Variants in DHRSX observed in about 807,000 individuals in gnomAD.
DHRSX encodes polyprenol dehydrogenase.
DHRSX carries 31 observed loss-of-function variants against 34.0 expected under a neutral mutation model. That is an observed-to-expected ratio of 0.91 (90% CI 0.69 to 1.23). DHRSX has a LOEUF of 1.23. Ranked by LOEUF, DHRSX falls within the 50% of genes most tolerant of loss-of-function variation. The pLI, the probability that DHRSX is intolerant of heterozygous loss-of-function variation, is 0.00. For synonymous variants in DHRSX, 201 were observed against 183.8 expected, an observed-to-expected ratio of 1.09 and a Z score of -0.76; for missense variants, 414 against 428.1, an observed-to-expected ratio of 0.97 and a Z score of 0.29.
intron 4 of DHRSX, among the ~76,000 whole-genome samples, chrX:2,282,578 G>A (rs770302199): frequency 4.5e-4 from 42 of 93,816 alleles, no homozygotes; most frequent in African/African-American, 1.2e-3. Context: ...GAAACAGAAA[G>A]GGAGAGAGAG....
chrX:2,358,398 G>C (rs759803530), intron 3 of DHRSX, among the ~76,000 whole-genome samples: 1 of 152,254 alleles, frequency 6.6e-6, no homozygotes, highest in African/African-American at 2.4e-5. Flanking sequence ...CTTTTCAAAA[G>C]AAGATACACA....
chrX:2,304,094 T>C (rs775165772), intron 3 of DHRSX, among the ~76,000 whole-genome samples: 65 of 141,964 alleles, frequency 4.6e-4, no homozygotes, highest in African/African-American at 1.2e-3. Flanking sequence ...GGTGGGTGGA[T>C]TGATGGATGG....
At chrX:2,314,601 T>C (rs1324356849) in intron 3 of DHRSX, among the ~76,000 whole-genome samples, 3 of 151,632 alleles carry the variant, frequency 2.0e-5, no homozygotes, top group Admixed American at 2.0e-4. Flanking sequence ...AGGAAATATA[T>C]TTTGGGGTTA....
chrX:2,496,933 T>G (rs2045301041), intron 1 of DHRSX, among the ~76,000 whole-genome samples: 3 of 136,734 alleles, frequency 2.2e-5, no homozygotes. Context: ...ATTACATACA[T>G]TTTTGTATGT....
rs748026746 is a variant in DHRSX, at chrX:2,471,142, C to G, written c.109+29675G>C. On this transcript the variant is annotated intron_variant, in intron 1 of 6. Coordinates refer to ENST00000334651, the MANE Select transcript of DHRSX (RefSeq NM_145177.3). ...ATGACTCGCATTTCCAGGCAGAAAA[C>G]AAAACAAGTCCCAGTTTCAAGGACA... 3.3e-5 allele frequency among the ~76,000 whole-genome samples: 5 copies of G among 152,094 alleles called. No homozygotes were observed. In the South Asian group the frequency reaches 1.0e-3, roughly 32 times the overall value.
At chrX:2,469,201 G>T (rs1397963232) in intron 1 of DHRSX, among the ~76,000 whole-genome samples, 1 of 151,434 alleles carries the variant, frequency 6.6e-6, no homozygotes, top group African/African-American at 2.4e-5. Flanking sequence ...GGACGGCACT[G>T]AAGACTCGTT....
intron 1 of DHRSX, among the ~76,000 whole-genome samples, chrX:2,433,811 G>A (rs2043958434): frequency 6.6e-6 from 1 of 152,094 alleles, no homozygotes; most frequent in African/African-American, 2.4e-5. Context: ...GTCTCGCTCT[G>A]TCGCCCAGGC....
intron 1 of DHRSX, among the ~76,000 whole-genome samples, chrX:2,481,931 G>A (rs1341722617): frequency 6.6e-6 from 1 of 151,958 alleles, no homozygotes; most frequent in Non-Finnish European, 1.5e-5. Context: ...ACGTTCTGGG[G>A]GACACTGATT....
At chrX:2,224,133 T>C (rs1200007037) in intron 6 of DHRSX, among the ~76,000 whole-genome samples, 2 of 152,262 alleles carry the variant, frequency 1.3e-5, no homozygotes, top group Non-Finnish European at 1.5e-5. Flanking sequence ...TTTGTGTTGT[T>C]GTCTGCCATC....
chrX:2,362,920 C>T (rs1404841718), intron 3 of DHRSX, among the ~76,000 whole-genome samples: 1 of 119,976 alleles, frequency 8.3e-6, no homozygotes, highest in Non-Finnish European at 2.0e-5. Flanking sequence ...GGTATCATGC[C>T]ACCATTTTAT....
chrX:2,412,274 G>A lies in DHRSX; in HGVS notation c.218-3461C>T, dbSNP rs531120317. On this transcript the variant is annotated intron_variant, in intron 2 of 6. Transcript: ENST00000334651. ...GCCATTATGGAAAACAGTGGAGATG[G>A]GGTTTCACTATGTTGGCCAGGCTGG... Among the ~76,000 whole-genome samples, 5 of 152,296 alleles carry A rather than the reference G, an allele frequency of 3.3e-5. 1 individual carries two copies. Among genetic ancestry groups the A allele is most frequent in the African/African-American group, 9.6e-5 (4 of 41,548 alleles).
chrX:2,483,932 CAAT>C (rs1445068930), intron 1 of DHRSX, among the ~76,000 whole-genome samples: 4 of 151,912 alleles, frequency 2.6e-5, no homozygotes, highest in Non-Finnish European at 5.9e-5. Flanking sequence ...GTCAACAGAG[CAAT>C]AATATTTCTT....
chrX:2,419,077 G>A (rs1028852437), intron 2 of DHRSX, among the ~76,000 whole-genome samples: 5 of 152,118 alleles, frequency 3.3e-5, no homozygotes, highest in African/African-American at 1.2e-4. Flanking sequence ...CAATCCTTTT[G>A]CATCTAGAGG....
At chrX:2,403,081 C>G (rs1431261541) in intron 3 of DHRSX, among the ~76,000 whole-genome samples, 4 of 151,994 alleles carry the variant, frequency 2.6e-5, no homozygotes, top group African/African-American at 9.7e-5. Flanking sequence ...CGGGGTTTCA[C>G]CATGTTGGCC....
chrX:2,339,433 C>T (rs1287130059), intron 3 of DHRSX, among the ~76,000 whole-genome samples: 1 of 152,074 alleles, frequency 6.6e-6, no homozygotes, highest in African/African-American at 2.4e-5. Flanking sequence ...GCCACCACAT[C>T]CGATCACGAG....
chrX:2,485,247 G>A (rs898035894), intron 1 of DHRSX, among the ~76,000 whole-genome samples: 13 of 152,024 alleles, frequency 8.6e-5, no homozygotes, highest in East Asian at 1.9e-4. Flanking sequence ...TGGGAAAAAC[G>A]TGTAAACATG....
At chrX:2,491,081 T>TTTC (rs1263417570) in intron 1 of DHRSX, among the ~76,000 whole-genome samples, 1 of 150,092 alleles carries the variant, frequency 6.7e-6, no homozygotes, top group East Asian at 2.0e-4. Flanking sequence ...TTTTTTTTTT[T>TTTC]TTTTTTGAGA....
intron 3 of DHRSX, among the ~76,000 whole-genome samples, chrX:2,346,717 G>C (rs2042719720): frequency 6.6e-6 from 1 of 151,604 alleles, no homozygotes; most frequent in Admixed American, 6.6e-5. Flanking sequence ...GGTTACATAG[G>C]TATCCATGTG....
intron 3 of DHRSX, among the ~76,000 whole-genome samples, chrX:2,362,591 G>A (rs765688472): frequency 1.3e-5 from 2 of 152,308 alleles, no homozygotes; most frequent in Admixed American, 6.5e-5. Context: ...AAGCCACCAT[G>A]CCTGGCCAGG....
Sources: allele counts gnomAD v4.1 joint callset (sites outside exome capture counted in the v4.1 genomes callset), GRCh38; gene constraint gnomAD v4.1.1; transcripts MANE v1.5; gene names NCBI Gene and HGNC (gene_info 2026-07-23, HGNC 2026-07-21).